ZBTB43: variants seen among roughly 807,000 people sequenced by gnomAD.
ZBTB43 encodes the protein zinc finger and BTB domain-containing protein 43.
ZBTB43 carries 6 observed loss-of-function variants against 31.1 expected under a neutral mutation model. The observed-to-expected ratio is 0.19, with a 90% CI of 0.11 to 0.38. The LOEUF is 0.38. Among genes scored for constraint, ZBTB43 ranks in the 10% least tolerant of loss-of-function variants. The pLI is 1.00. For synonymous variants in ZBTB43, 212 were observed against 221.7 expected (o/e 0.96, Z 0.39); for missense variants, 379 against 602.1 (o/e 0.63, Z 3.88).
chr9:126,833,930 T>G lies in ZBTB43; in HGVS notation c.*17T>G, dbSNP rs1426926631. 1.3e-6 allele frequency: 2 copies of G among 1,551,990 alleles called. No individual in the cohort carries two copies. The highest frequency in any genetic ancestry group is 2.3e-5 in the East Asian group (1 of 43,820). ...GCTAACTAAAAATAGGATCTGGCCC[T>G]TGAGTGGCATGCACAAAAATAAACT... is the stretch of plus-strand genomic sequence containing the variant. On this transcript the variant is annotated 3_prime_UTR_variant, in exon 3 of 3. Coordinates refer to ENST00000373464, the MANE Select transcript of ZBTB43 (RefSeq NM_014007.4). This position sits in a 1 kb window ranked among gnomAD's most constrained non-coding sequence, Gnocchi z 7.9.
intron 1 of ZBTB43, among the ~76,000 whole-genome samples, chr9:126,805,780 G>A (rs2032113145): frequency 6.6e-6 from 1 of 152,212 alleles, no homozygotes; most frequent in Non-Finnish European, 1.5e-5. Flanking sequence ...TTCAGGGCCT[G>A]TCAGTCTGGC....
intron 2 of ZBTB43, among the ~76,000 whole-genome samples, chr9:126,825,470 G>A (rs369511211): frequency 1.1e-4 from 17 of 152,204 alleles, no homozygotes; most frequent in African/African-American, 3.9e-4. Context: ...TCTGGAAGTG[G>A]GCAGTCTGTG....
chr9:126,824,395 A>G (rs1238338125), intron 2 of ZBTB43, among the ~76,000 whole-genome samples: 1 of 152,028 alleles, frequency 6.6e-6, no homozygotes, highest in East Asian at 1.9e-4. Context: ...GTGGCTTTTC[A>G]TTGTCTAGGG....
intron 2 of ZBTB43, among the ~76,000 whole-genome samples, chr9:126,814,017 T>G (rs898019818): frequency 6.6e-6 from 1 of 152,202 alleles, no homozygotes; most frequent in African/African-American, 2.4e-5. Flanking sequence ...AAAAGGAGTA[T>G]TATTTGTAGA....
rs1257387638 is a variant in ZBTB43, at chr9:126,834,203, C to T, written c.*290C>T. The T allele has an allele frequency of 3.5e-6, 1 of 283,608 alleles. No homozygotes were observed. Among genetic ancestry groups the T allele is most frequent in the Admixed American group, 4.7e-5 (1 of 21,182 alleles). 17.6% of individuals were successfully genotyped at this position (283,608 alleles called of 1,614,324 possible). ...TGATCGAAACAGGTGGACAGAGACACCTGCACTTGGAACTGGACTCCACCC... is the reference window on the plus strand; with the variant it reads ...TGATCGAAACAGGTGGACAGAGACATCTGCACTTGGAACTGGACTCCACCC... On this transcript the variant is annotated 3_prime_UTR_variant, in exon 3 of 3. Transcript: ENST00000373464.
At chr9:126,822,727 G>A (rs1399140338) in intron 2 of ZBTB43, among the ~76,000 whole-genome samples, 1 of 152,100 alleles carries the variant, frequency 6.6e-6, no homozygotes, top group Non-Finnish European at 1.5e-5. Context: ...GCAGCAGAGC[G>A]AGACCCTATC....
intron 2 of ZBTB43, among the ~76,000 whole-genome samples, chr9:126,816,848 C>T (rs1301405805): frequency 6.6e-6 from 1 of 152,136 alleles, no homozygotes; most frequent in Non-Finnish European, 1.5e-5. Context: ...CCTTTACCTC[C>T]TTCCTGGGGC....
At chr9:126,826,012 A>C (rs1199010390) in intron 2 of ZBTB43, among the ~76,000 whole-genome samples, 34 of 110,040 alleles carry the variant, frequency 3.1e-4, no homozygotes, top group Middle Eastern at 5.2e-3. Flanking sequence ...ATGCCCAGCC[A>C]ATTTTTTTTT....
intron 2 of ZBTB43, among the ~76,000 whole-genome samples, chr9:126,822,505 G>A (rs1350289553): frequency 6.6e-6 from 1 of 152,176 alleles, no homozygotes; most frequent in Non-Finnish European, 1.5e-5. Flanking sequence ...CACTTTGGCA[G>A]GCTGAGGCAG....
chr9:126,810,396 C>G (rs112071089), intron 2 of ZBTB43, among the ~76,000 whole-genome samples: 2,104 of 150,052 alleles, frequency 0.014, 52 homozygotes, highest in African/African-American at 0.049. Flanking sequence ...GTTTCGCCTT[C>G]TTGGCCAGGC....
intron 2 of ZBTB43, among the ~76,000 whole-genome samples, chr9:126,811,226 A>G (rs2032241366): frequency 6.7e-6 from 1 of 150,188 alleles, no homozygotes; most frequent in Non-Finnish European, 1.5e-5. Context: ...TCAAAAAAAA[A>G]AAAAAAAAGA....
In ZBTB43 at chr9:126,810,369, T is replaced by C. The variant is rs1354064109; in HGVS notation, c.-24+1454T>C. 3.3e-5 allele frequency among the ~76,000 whole-genome samples: 5 copies of C among 151,988 alleles called. No homozygotes were observed. In the South Asian group the frequency reaches 1.0e-3, roughly 32 times the overall value. On this transcript the variant is annotated intron_variant, in intron 2 of 2. Transcript: ENST00000373464. ...GTCAGCATGCCCAGCTAATTTTGTA[T>C]TTTTAGTAGAGACAGGGTTTCGCCT...
chr9:126,809,032 ATTCT>A (rs1482400193), intron 2 of ZBTB43, 117 bp downstream of exon 2: 1 of 152,192 alleles, frequency 6.6e-6, no homozygotes, highest in Non-Finnish European at 1.5e-5. Flanking sequence ...AGACCAGAAG[ATTCT>A]TTCTTCTCTT....
chr9:126,832,764 C>A lies in ZBTB43; in HGVS notation c.255C>A (p.Leu85=), dbSNP rs1455188984. The A allele has an allele frequency of 1.2e-6, 2 of 1,614,116 alleles. No homozygotes were observed. Among genetic ancestry groups the A allele is most frequent in the Non-Finnish European group, 1.7e-6 (2 of 1,180,028 alleles). Residue 85 remains leucine (L), a synonymous_variant, in exon 3 of 3, where the codon CTC becomes CTA. Coordinates refer to ENST00000373464, the MANE Select transcript of ZBTB43 (RefSeq NM_014007.4). The stretch of plus-strand genomic sequence containing the variant: ...ACCCAAGAGTGTTTGAGAACATTCT[C>A]CTATCTAGTTATACAGGACGTCTAG... ...VMNPRVFENI[L]LSSYTGRLVM...
At chr9:126,809,276 C>A (rs1400426973) in intron 2 of ZBTB43, among the ~76,000 whole-genome samples, 1 of 152,138 alleles carries the variant, frequency 6.6e-6, no homozygotes, top group Non-Finnish European at 1.5e-5. Flanking sequence ...CAAAAGGATG[C>A]AATGATACGG....
chr9:126,822,049 G>T (rs1169765143), intron 2 of ZBTB43, among the ~76,000 whole-genome samples: 1 of 151,938 alleles, frequency 6.6e-6, no homozygotes, highest in East Asian at 1.9e-4. Context: ...TAGAGACAGG[G>T]TTTCACCATG....
In ZBTB43 at chr9:126,824,823, T is replaced by G. The variant is rs116815716; in HGVS notation, c.-23-7664T>G. Among the ~76,000 whole-genome samples the G allele has an allele frequency of 6.7e-4, 102 of 152,336 alleles. 1 individual carries two copies. The highest frequency in any genetic ancestry group is 6.8e-3 in the Middle Eastern group (2 of 294). The stretch of plus-strand genomic sequence containing the variant: ...ATCTTTTATCAGTTTTTAGAAGTGT[T>G]TGACCATTATATATTTCTTCAAATT... On this transcript the variant is annotated intron_variant, in intron 2 of 2. Transcript: ENST00000373464.
intron 2 of ZBTB43, among the ~76,000 whole-genome samples, chr9:126,814,531 C>T (rs1013750062): frequency 9.9e-5 from 15 of 151,674 alleles, no homozygotes; most frequent in Admixed American, 3.3e-4. Context: ...CGGTGGCTTA[C>T]GCCTGTAATC....
At chr9:126,808,111 T>C (rs2032167147) in intron 1 of ZBTB43, among the ~76,000 whole-genome samples, 2 of 152,222 alleles carry the variant, frequency 1.3e-5, no homozygotes, top group African/African-American at 4.8e-5. Context: ...TTATCCTGAA[T>C]TCTAATGCAC....
Sources: allele counts gnomAD v4.1 joint callset (sites outside exome capture counted in the v4.1 genomes callset), GRCh38; gene constraint gnomAD v4.1.1; non-coding constraint Gnocchi (gnomAD v3.1); transcripts MANE v1.5; gene names NCBI Gene and HGNC (gene_info 2026-07-23, HGNC 2026-07-21).